Variants in RAD21L1 observed in about 807,000 individuals in gnomAD.
The protein encoded by RAD21L1 is RAD21 cohesin complex component like 1.
RAD21L1 carries 47 observed loss-of-function variants against 69.0 expected under a neutral mutation model. The observed-to-expected ratio is 0.68, with a 90% CI of 0.54 to 0.87. RAD21L1 has a LOEUF of 0.87. Among genes scored for constraint, RAD21L1 ranks in the 40% least tolerant of loss-of-function variants. The pLI, the probability that RAD21L1 is intolerant of heterozygous loss-of-function variation, is 0.00. For missense variants in RAD21L1, 583 were observed against 647.6 expected (o/e 0.90, Z 1.08); for synonymous variants, 177 against 205.8 (o/e 0.86, Z 1.20).
rs1403010170 is a variant in RAD21L1, at chr20:1,255,579, A to AT, written c.*1128dup. Among the ~76,000 whole-genome samples the AT allele has an allele frequency of 6.6e-5, 10 of 152,184 alleles. No individual in the cohort carries two copies. Among genetic ancestry groups the AT allele is most frequent in the Non-Finnish European group, 1.3e-4 (9 of 68,006 alleles). On this transcript the variant is annotated 3_prime_UTR_variant, in exon 14 of 14. Transcript: ENST00000683101. ...AAATTGCCTTTTTAAAATTTCTTTTATTTTTTAAATTAACATACAGAAAAT... is the reference window on the plus strand; with the variant it reads ...AAATTGCCTTTTTAAAATTTCTTTTATTTTTTTAAATTAACATACAGAAAAT...
In RAD21L1 at chr20:1,254,167, C is replaced by A. The variant is rs114073016; in HGVS notation, c.1480-102C>A. 831 of 733,478 alleles carry A rather than the reference C, an allele frequency of 1.1e-3. 3 individuals are homozygous for A. In the African/African-American group the frequency reaches 0.013, roughly 12 times the overall value. 45.4% of individuals were successfully genotyped at this position (733,478 alleles called of 1,614,324 possible). On this transcript the variant is annotated intron_variant, in intron 13 of 13. Coordinates refer to ENST00000683101, the MANE Select transcript of RAD21L1 (RefSeq NM_001384355.1). ...ATTTAAGGATTTTATAGTCATTTAT[C>A]CAAAATGTCAATATTTTGTTGTTTA...
intron 13 of RAD21L1, 67 bp from the exon 14 acceptor site, chr20:1,254,202 T>G: frequency 8.9e-7 from 1 of 1,127,460 alleles, no homozygotes; most frequent in Non-Finnish European, 1.2e-6. Context: ...ATTACGCATT[T>G]ATAGCCGGCT....
intron 5 of RAD21L1, among the ~76,000 whole-genome samples, chr20:1,236,064 G>A (rs542276940): frequency 2.6e-5 from 4 of 152,192 alleles, no homozygotes; most frequent in South Asian, 2.1e-4. Flanking sequence ...TACCGTGCCC[G>A]GCCAGGATCA....
chr20:1,229,906 A>G lies in RAD21L1; in HGVS notation c.171A>G (p.Gly57=), dbSNP rs1336760823. 1 of 1,549,286 alleles carries G rather than the reference A, an allele frequency of 6.5e-7. No individual in the cohort carries two copies. Among genetic ancestry groups the G allele is most frequent in the East Asian group, 2.5e-5 (1 of 40,816 alleles). ...TGAAAATAGCACTTCGAACTTCAGG[A>G]CACCTTCTTTTGGGAGTTGTTCGAA... The part of the protein sequence containing the change: ...PKVKIALRTS[G]HLLLGVVRIY... Residue 57 remains glycine, a synonymous_variant, in exon 3 of 14, where the codon GGA becomes GGG. Coordinates refer to ENST00000683101, the MANE Select transcript of RAD21L1 (RefSeq NM_001384355.1).
At chr20:1,227,874 T>C (rs928433037) in intron 1 of RAD21L1, among the ~76,000 whole-genome samples, 1 of 152,176 alleles carries the variant, frequency 6.6e-6, no homozygotes, top group African/African-American at 2.4e-5. Flanking sequence ...TCCACTCCAC[T>C]TTTTGGAGTC....
At chr20:1,226,396 T>A (rs1283573857) in intron 1 of RAD21L1, 1 of 152,236 alleles carries the variant, frequency 6.6e-6, no homozygotes, top group Admixed American at 6.5e-5. Flanking sequence ...TCAGTTTCCC[T>A]CTGTGAGCAC....
At chr20:1,232,497 C>A (rs2087411921) in intron 4 of RAD21L1, among the ~76,000 whole-genome samples, 1 of 152,100 alleles carries the variant, frequency 6.6e-6, no homozygotes, top group African/African-American at 2.4e-5. Flanking sequence ...ATCATCTCAC[C>A]CAGGTGGTAG....
In RAD21L1 at chr20:1,245,753, G is replaced by T. The variant is rs187149325; in HGVS notation, c.1309-460G>T. On this transcript the variant is annotated intron_variant, in intron 11 of 13. Coordinates refer to ENST00000683101, the MANE Select transcript of RAD21L1 (RefSeq NM_001384355.1). ...CAGTGGTGGCAGGAATCCTGTCATG[G>T]TCCTCGGTAGGGATATTAATATCCC... Among the ~76,000 whole-genome samples the T allele has an allele frequency of 4.4e-4, 67 of 152,062 alleles. 2 individuals carry two copies. Among genetic ancestry groups the T allele is most frequent in the Admixed American group, 4.4e-3 (67 of 15,244 alleles).
chr20:1,251,515 A>G (rs79165955), intron 13 of RAD21L1, among the ~76,000 whole-genome samples: 1 of 151,856 alleles, frequency 6.6e-6, no homozygotes, highest in African/African-American at 2.4e-5. Flanking sequence ...TCATAGAGTC[A>G]AGGTCCCACT....
chr20:1,242,227 G>A (rs2087621037), intron 8 of RAD21L1, among the ~76,000 whole-genome samples: 2 of 152,210 alleles, frequency 1.3e-5, no homozygotes, highest in Admixed American at 6.5e-5. Context: ...GTTGTACTGT[G>A]GTAGAAATTT....
In RAD21L1 at chr20:1,229,933, C is replaced by T. The variant is rs1304970798; in HGVS notation, c.198C>T (p.Ile66=). The T allele has an allele frequency of 1.3e-6, 2 of 1,550,038 alleles. No homozygotes were observed. Among genetic ancestry groups the T allele is most frequent in the South Asian group, 2.4e-5 (2 of 83,918 alleles). ...SGHLLLGVVR[I]YNRKAKYLLA... ...ACCTTCTTTTGGGAGTTGTTCGAATCTATAACAGGAAGGCAAAATATCTTT... is the reference window on the plus strand; with the variant it reads ...ACCTTCTTTTGGGAGTTGTTCGAATTTATAACAGGAAGGCAAAATATCTTT... Residue 66 remains isoleucine, a synonymous_variant, in exon 3 of 14, where the codon ATC becomes ATT. Coordinates refer to ENST00000683101, the MANE Select transcript of RAD21L1 (RefSeq NM_001384355.1).
At chr20:1,245,081 C>T (rs1327726167) in intron 11 of RAD21L1, among the ~76,000 whole-genome samples, 3 of 152,144 alleles carry the variant, frequency 2.0e-5, no homozygotes, top group African/African-American at 7.2e-5. Flanking sequence ...AAGGAAAATA[C>T]AACTGCAGTT....
rs564749913 is a variant in RAD21L1, at chr20:1,246,929, A to C, written c.1401+624A>C. ...TAAGGAATTTTAGTAAAAGTTTTTT[A>C]GTAAATAATATAAAAACACCTAGTA... On this transcript the variant is annotated intron_variant, in intron 12 of 13. Transcript: ENST00000683101. The surrounding 1 kb of genome is among the most constrained non-coding windows in gnomAD (Gnocchi z 4.6). 6.6e-6 allele frequency among the ~76,000 whole-genome samples: 1 copy of C among 152,322 alleles called. No individual in the cohort carries two copies. The highest frequency in any genetic ancestry group is 2.1e-4 in the South Asian group (1 of 4,832).
intron 11 of RAD21L1, among the ~76,000 whole-genome samples, chr20:1,245,271 A>G (rs936642216): frequency 1.3e-5 from 2 of 152,172 alleles, no homozygotes; most frequent in African/African-American, 4.8e-5. Context: ...CAAGCATGGG[A>G]GCACAAGAAC....
intron 4 of RAD21L1, among the ~76,000 whole-genome samples, chr20:1,232,872 G>A (rs976156906): frequency 1.3e-5 from 2 of 152,186 alleles, no homozygotes; most frequent in East Asian, 3.8e-4. Flanking sequence ...GGTCATAAGA[G>A]AGGTGATTAA....
chr20:1,229,733 G>T (rs1244755530), intron 2 of RAD21L1, 147 bp from the exon 3 acceptor site: 1 of 550,124 alleles, frequency 1.8e-6, no homozygotes, highest in Non-Finnish European at 3.1e-6. Flanking sequence ...ATTTTGCAAG[G>T]TAAGGTAAAA....
rs1600235324 is a variant in RAD21L1, at chr20:1,254,201, T to G, written c.1480-68T>G. ...CAATATTTTGTTGTTTATTACGCAT[T>G]TATAGCCGGCTTTACTTCTAATGAT... On this transcript the variant is annotated intron_variant, in intron 13 of 13. Transcript: ENST00000683101. 3.6e-6 allele frequency: 4 copies of G among 1,121,860 alleles called. No individual in the cohort carries two copies. In the East Asian group the frequency reaches 1.1e-4, roughly 30 times the overall value. 69.5% of individuals were successfully genotyped at this position (1,121,860 alleles called of 1,614,324 possible). A position where few individuals can be genotyped will look rare whatever the true frequency, so the allele number is the denominator to read the frequency against.
chr20:1,242,649 G>A lies in RAD21L1; in HGVS notation c.887G>A (p.Arg296Lys). The change falls in exon 9 of 14, where the codon AGG (arginine) becomes AAG (lysine). Residue 296 changes from arginine to lysine, a missense_variant. Coordinates refer to ENST00000683101, the MANE Select transcript of RAD21L1 (RefSeq NM_001384355.1). ...GCTGAGAAAAGGAAAGGCAAAAAGAGGAGATTGCTCATAGATCCTATCAAG... is the reference window on the plus strand; with the variant it reads ...GCTGAGAAAAGGAAAGGCAAAAAGAAGAGATTGCTCATAGATCCTATCAAG... ...DIAEKRKGKK[R>K]RLLIDPIKEL... 2 of 1,551,410 alleles carry A rather than the reference G, an allele frequency of 1.3e-6. No individual in the cohort carries two copies. Among genetic ancestry groups the A allele is most frequent in the South Asian group, 1.2e-5 (1 of 84,054 alleles).
At chr20:1,245,316 C>G (rs1390192039) in intron 11 of RAD21L1, among the ~76,000 whole-genome samples, 1 of 152,120 alleles carries the variant, frequency 6.6e-6, no homozygotes, top group African/African-American at 2.4e-5. Flanking sequence ...TCTGATGAAT[C>G]ATTTTCAAAT....
Sources: gnomAD v4.1 joint callset for allele counts (sites outside exome capture counted in the v4.1 genomes callset) on GRCh38, gnomAD v4.1.1 for gene constraint, Gnocchi (gnomAD v3.1) non-coding constraint, MANE v1.5 for transcripts, NCBI Gene and HGNC (gene_info 2026-07-23, HGNC 2026-07-21) for gene names.